CCDC7: variants seen among roughly 807,000 people sequenced by gnomAD.
The protein encoded by CCDC7 is coiled-coil domain-containing protein 7.
In CCDC7, 183 loss-of-function variants were observed where a neutral mutation model predicts 196.9. The observed-to-expected ratio is 0.93, with a 90% CI of 0.82 to 1.05. CCDC7 has a LOEUF of 1.05. CCDC7 is among the 50% of genes least tolerant of loss of function. The pLI is 0.00. For missense variants in CCDC7, 1,540 were observed against 1,482.2 expected (o/e 1.04, Z -0.64); for synonymous variants, 525 against 484.6 (o/e 1.08, Z -1.10).
At chr10:32,462,588 G>A in intron 3 of CCDC7, 95 bp from the exon 5 acceptor site, 4 of 1,013,204 alleles carry the variant, frequency 3.9e-6, no homozygotes, top group Non-Finnish European at 5.5e-6. Flanking sequence ...GTACATTTTT[G>A]TGATTGAAAA....
In CCDC7 at chr10:32,845,077, C is replaced by T. The variant is rs543399929; in HGVS notation, c.3353-166C>T. Among the ~76,000 whole-genome samples, 95 of 151,308 alleles carry T rather than the reference C, an allele frequency of 6.3e-4. No homozygotes were observed. In the Middle Eastern group the frequency reaches 0.014, roughly 22 times the overall value. On this transcript the variant is annotated intron_variant, in intron 33 of 41. Transcript: ENST00000639629. ...AATATTTATGGTTTATTCATATTCC[C>T]GGAGTTAAATTAAGTATGAACCTTT...
chr10:32,783,755 GC>G (rs2081393165), intron 29 of CCDC7, among the ~76,000 whole-genome samples: 1 of 152,130 alleles, frequency 6.6e-6, no homozygotes, highest in Admixed American at 6.5e-5. Context: ...ATCTCCATCA[GC>G]AAATGAATGC....
chr10:32,812,963 C>T (rs2135381920), intron 30 of CCDC7, among the ~76,000 whole-genome samples: 1 of 152,276 alleles, frequency 6.6e-6, no homozygotes, highest in Non-Finnish European at 1.5e-5. Context: ...TCTGCTCAAT[C>T]TTATGGATCA....
At chr10:32,576,251 A>G (rs774867219) in intron 16 of CCDC7, among the ~76,000 whole-genome samples, 3 of 151,934 alleles carry the variant, frequency 2.0e-5, no homozygotes, top group Non-Finnish European at 4.4e-5. Flanking sequence ...TTGCTTTTAA[A>G]TGAGCAATAT....
At chr10:32,683,389 A>G (rs768620186) in intron 21 of CCDC7, among the ~76,000 whole-genome samples, 1 of 152,194 alleles carries the variant, frequency 6.6e-6, no homozygotes, top group African/African-American at 2.4e-5. Context: ...TGTTTTGGTT[A>G]CTGTAACCTT....
chr10:32,599,566 C>T (rs933142739), intron 18 of CCDC7, among the ~76,000 whole-genome samples: 1 of 151,884 alleles, frequency 6.6e-6, no homozygotes, highest in Non-Finnish European at 1.5e-5. Context: ...ATTCTCCTCT[C>T]ATTTTCTTTT....
intron 29 of CCDC7, among the ~76,000 whole-genome samples, chr10:32,797,971 T>C (rs2083961134): frequency 6.6e-6 from 1 of 152,204 alleles, no homozygotes; most frequent in Admixed American, 6.5e-5. Flanking sequence ...GTAAGACCAG[T>C]GAATTCCATG....
intron 11 of CCDC7, among the ~76,000 whole-genome samples, chr10:32,536,950 C>T (rs536258583): frequency 6.6e-6 from 1 of 152,244 alleles, no homozygotes; most frequent in Admixed American, 6.5e-5. Flanking sequence ...AATAGTGCTG[C>T]AATAAACATA....
chr10:32,457,960 T>G (rs1484563696), intron 3 of CCDC7, among the ~76,000 whole-genome samples: 1 of 152,172 alleles, frequency 6.6e-6, no homozygotes, highest in African/African-American at 2.4e-5. Context: ...GCAAATATCT[T>G]TTTTCATTCT....
chr10:32,759,534 T>C (rs1467298055), intron 28 of CCDC7, among the ~76,000 whole-genome samples: 1 of 152,128 alleles, frequency 6.6e-6, no homozygotes, highest in African/African-American at 2.4e-5. Flanking sequence ...GAAAACTGGC[T>C]AGCCATATGT....
chr10:32,739,203 G>A (rs781697545), intron 28 of CCDC7, among the ~76,000 whole-genome samples: 24 of 151,700 alleles, frequency 1.6e-4, no homozygotes, highest in Non-Finnish European at 3.2e-4. Flanking sequence ...AAAATTCTTA[G>A]CCATTATTAT....
chr10:32,823,881 C>T (rs540182938), intron 31 of CCDC7, among the ~76,000 whole-genome samples: 6 of 152,202 alleles, frequency 3.9e-5, no homozygotes, highest in Middle Eastern at 3.4e-3. Flanking sequence ...CTGTAAAGTC[C>T]GCCTGCTAAA....
chr10:32,571,343 T>C (rs993953713), intron 15 of CCDC7, among the ~76,000 whole-genome samples: 1 of 152,100 alleles, frequency 6.6e-6, no homozygotes, highest in Non-Finnish European at 1.5e-5. Context: ...TCTGTAAACA[T>C]ATTTGAACAT....
chr10:32,626,892 G>A (rs1005100068), intron 18 of CCDC7, among the ~76,000 whole-genome samples: 18 of 151,906 alleles, frequency 1.2e-4, no homozygotes, highest in African/African-American at 3.1e-4. Flanking sequence ...ATTTTCTGGC[G>A]TGTTCCATTG....
chr10:32,483,063 G>T (rs11813502), intron 8 of CCDC7, among the ~76,000 whole-genome samples: 6,756 of 152,218 alleles, frequency 0.044, 498 homozygotes, highest in African/African-American at 0.15. Context: ...AGATCCTTGA[G>T]GAATCACCAC....
intron 18 of CCDC7, among the ~76,000 whole-genome samples, chr10:32,593,014 T>A (rs1254454123): frequency 6.6e-6 from 1 of 152,226 alleles, no homozygotes; most frequent in Admixed American, 6.5e-5. Flanking sequence ...AACATATGTG[T>A]GCATGTGTCT....
At chr10:32,495,241 G>GC (rs1554797446) in intron 9 of CCDC7, among the ~76,000 whole-genome samples, 3 of 151,876 alleles carry the variant, frequency 2.0e-5, no homozygotes, top group Non-Finnish European at 4.4e-5. Flanking sequence ...GGGGTTGTTT[G>GC]TTTTTTTCTT....
At chr10:32,708,940 A>T (rs992238112) in intron 24 of CCDC7, among the ~76,000 whole-genome samples, 2 of 152,224 alleles carry the variant, frequency 1.3e-5, no homozygotes, top group Non-Finnish European at 2.9e-5. Context: ...AGAACTAGAA[A>T]TACCATTTGA....
rs575852586 is a variant in CCDC7, at chr10:32,720,063, A to G, written c.2570-6671A>G. Among the ~76,000 whole-genome samples the G allele has an allele frequency of 2.6e-5, 4 of 152,262 alleles. No homozygotes were observed. The South Asian group carries it at 8.3e-4, about 32-fold the overall frequency. ...TAAATTATATACCCAAACGATTATA[A>G]ATTATTATACTATAAAGACACATGC... is the stretch of plus-strand genomic sequence containing the variant. On this transcript the variant is annotated intron_variant, in intron 25 of 41. Coordinates refer to ENST00000639629, the Ensembl canonical transcript of CCDC7.
Sources: allele counts gnomAD v4.1 joint callset (sites outside exome capture counted in the v4.1 genomes callset), GRCh38; gene constraint gnomAD v4.1.1; transcripts MANE v1.5; gene names NCBI Gene and HGNC (gene_info 2026-07-23, HGNC 2026-07-21).